CFAP57: variants seen among roughly 807,000 people sequenced by gnomAD.
CFAP57 encodes cilia- and flagella-associated protein 57.
A neutral mutation model predicts 146.8 loss-of-function variants in CFAP57; 116 were observed. That is an observed-to-expected ratio of 0.79 (90% CI 0.68 to 0.92). The LOEUF (loss-of-function observed/expected upper bound fraction) is 0.92. Ranked by LOEUF, CFAP57 falls within the 40% of genes least tolerant of loss-of-function variation. CFAP57 has a pLI of 0.00. For missense variants in CFAP57, 1,377 were observed against 1,527.2 expected, an observed-to-expected ratio of 0.90 and a Z score of 1.64; for synonymous variants, 518 against 552.8, an observed-to-expected ratio of 0.94 and a Z score of 0.88.
At chr1:43,209,378 T>C (rs958822826) in intron 10 of CFAP57, among the ~76,000 whole-genome samples, 1 of 152,248 alleles carries the variant, frequency 6.6e-6, no homozygotes, top group South Asian at 2.1e-4. Context: ...AGATGGTCCG[T>C]CATCCATAGA....
intron 2 of CFAP57, among the ~76,000 whole-genome samples, chr1:43,175,299 C>T (rs1645126306): frequency 6.6e-6 from 1 of 151,730 alleles, no homozygotes; most frequent in South Asian, 2.1e-4. Flanking sequence ...ACACCATATA[C>T]TATATGTACA....
chr1:43,173,884 G>A (rs1047999352), intron 2 of CFAP57, among the ~76,000 whole-genome samples: 7 of 152,170 alleles, frequency 4.6e-5, no homozygotes, highest in African/African-American at 1.7e-4. Flanking sequence ...CACTAGAAGT[G>A]CATAAGAGTT....
At chr1:43,177,134 G>T (rs1443102385) in intron 2 of CFAP57, 5 of 456,288 alleles carry the variant, frequency 1.1e-5, no homozygotes, top group South Asian at 3.1e-5. Context: ...CATTCTGGCT[G>T]CTGTACAGAG....
rs1645616258 is a variant in CFAP57, at chr1:43,234,641, A to G, written c.3405+3A>G. 7 of 1,548,040 alleles carry G rather than the reference A, an allele frequency of 4.5e-6. No homozygotes were observed. The highest frequency in any genetic ancestry group is 6.1e-6 in the Non-Finnish European group (7 of 1,145,774). ...CAGACTACGTCCGCATCATGCAGGT[A>G]CCTGCATGCTCCCCTCAGCCCCTGT... is the stretch of plus-strand genomic sequence containing the variant. On this transcript the variant is annotated splice_donor_region_variant and intron_variant, in intron 21 of 22. Coordinates refer to ENST00000372492, the MANE Select transcript of CFAP57 (RefSeq NM_001378189.1).
intron 5 of CFAP57, among the ~76,000 whole-genome samples, chr1:43,185,678 CAAAA>C (rs57421849): frequency 3.0e-5 from 2 of 65,674 alleles, no homozygotes; most frequent in African/African-American, 1.0e-4. Flanking sequence ...CCCATCTCTA[CAAAA>C]AAAAAAAAAA....
At chr1:43,194,885 T>C (rs538906791) in intron 6 of CFAP57, 48 of 152,344 alleles carry the variant, frequency 3.2e-4, no homozygotes, top group African/African-American at 1.2e-3. Flanking sequence ...TTCCTTTAGT[T>C]TTTTGGACAC....
At chr1:43,240,857 GCCGGTCTCGCTCTGTCGCC>G (rs887113465) in intron 21 of CFAP57, among the ~76,000 whole-genome samples, 7 of 152,146 alleles carry the variant, frequency 4.6e-5, no homozygotes, top group African/African-American at 1.7e-4. Flanking sequence ...AGGAGAAGGG[GCCGGTCTCGCTCTGTCGCC>G]CAGGCTGGAG....
chr1:43,254,343 A>C lies in CFAP57; in HGVS notation c.*152A>C. ...CCTGGGGAATTTGGGACACAGAATA[A>C]AGGTGTTTGCCCACACCTTGTCTAA... is the stretch of plus-strand genomic sequence containing the variant. On this transcript the variant is annotated 3_prime_UTR_variant, in exon 23 of 23. Transcript: ENST00000372492. 1.5e-6 allele frequency: 1 copy of C among 687,408 alleles called. No individual in the cohort carries two copies. Among genetic ancestry groups the C allele is most frequent in the South Asian group, 2.2e-5 (1 of 45,874 alleles). The allele number at this position is 687,408 out of a possible 1,614,324, so 42.6% of individuals were successfully genotyped here.
At chr1:43,249,343 A>C (rs1178831846) in intron 22 of CFAP57, among the ~76,000 whole-genome samples, 1 of 150,802 alleles carries the variant, frequency 6.6e-6, no homozygotes, top group African/African-American at 2.4e-5. Flanking sequence ...CATTTTTAAC[A>C]GTTTATCTAG....
intron 7 of CFAP57, 67 bp from the exon 8 acceptor site, chr1:43,198,414 A>T (rs1440920222): frequency 6.6e-7 from 1 of 1,514,234 alleles, no homozygotes; most frequent in East Asian, 2.3e-5. Flanking sequence ...TATATATCAG[A>T]TACAGTAGAT....
intron 11 of CFAP57, among the ~76,000 whole-genome samples, chr1:43,214,680 G>GT (rs1200158487): frequency 1.1e-4 from 17 of 151,070 alleles, no homozygotes; most frequent in African/African-American, 3.7e-4. Context: ...ATTCAGGTTT[G>GT]TTTTTTTTTA....
At chr1:43,249,085 G>A (rs1013770005) in intron 22 of CFAP57, among the ~76,000 whole-genome samples, 9 of 140,894 alleles carry the variant, frequency 6.4e-5, no homozygotes, top group African/African-American at 1.9e-4. Context: ...TAGTAGAGAC[G>A]AGGTTTCACC....
chr1:43,203,971 C>A lies in CFAP57; in HGVS notation c.1543-2749C>A, dbSNP rs605336. The stretch of plus-strand genomic sequence containing the variant: ...CTAGTGCTCTCATTACAGTACCATA[C>A]GTGGGTGCATTTAATGGATGCCCAC... On this transcript the variant is annotated intron_variant, in intron 9 of 22. Transcript: ENST00000372492. Among the ~76,000 whole-genome samples, 4 of 152,102 alleles carry A rather than the reference C, an allele frequency of 2.6e-5. No individual in the cohort carries two copies. In the South Asian group the frequency reaches 8.3e-4, roughly 32 times the overall value.
chr1:43,253,922 C>T (rs919416496), intron 22 of CFAP57, 55 bp from the exon 23 acceptor site: 28 of 1,459,424 alleles, frequency 1.9e-5, no homozygotes, highest in African/African-American at 2.8e-5. Context: ...AGGGGAGGAT[C>T]GGCTCTGCAG....
At chr1:43,244,347 G>A (rs905964481) in intron 22 of CFAP57, among the ~76,000 whole-genome samples, 3 of 152,176 alleles carry the variant, frequency 2.0e-5, no homozygotes, top group African/African-American at 7.2e-5. Flanking sequence ...ATAAGCTTAT[G>A]ATGGGGAAAA....
chr1:43,231,131 A>T (rs1645449983), intron 18 of CFAP57, among the ~76,000 whole-genome samples: 1 of 152,170 alleles, frequency 6.6e-6, no homozygotes, highest in East Asian at 1.9e-4. Context: ...CAAATATTTG[A>T]GTGCCACCTT....
intron 2 of CFAP57, among the ~76,000 whole-genome samples, chr1:43,178,587 A>G (rs1209205347): frequency 6.6e-6 from 1 of 152,236 alleles, no homozygotes; most frequent in Non-Finnish European, 1.5e-5. Flanking sequence ...ACAATGAGAT[A>G]CCATCTCACA....
intron 2 of CFAP57, among the ~76,000 whole-genome samples, chr1:43,180,367 C>T (rs999873786): frequency 6.6e-6 from 1 of 151,542 alleles, no homozygotes; most frequent in African/African-American, 2.4e-5. Flanking sequence ...TTCTGATTTT[C>T]AAATAAATAC....
rs513009 is a variant in CFAP57 at position 43,197,705 on chromosome 1, A to G, written c.1262+13A>G. On this transcript the variant is annotated intron_variant, in intron 7 of 22. Transcript: ENST00000372492. Reference sequence around the variant, plus strand: ...ATTATGAAACAAAGTAAGGAATGAAAGGCTTGCCTACTTTATTATGCAAGA... The same window carrying G: ...ATTATGAAACAAAGTAAGGAATGAAGGGCTTGCCTACTTTATTATGCAAGA... 1,430,624 of 1,613,938 alleles carry G rather than the reference A, an allele frequency of 0.89. 641,133 individuals are homozygous for G. The highest frequency in any genetic ancestry group is 0.93 in the Non-Finnish European group (1,094,073 of 1,179,956).
Sources: gnomAD v4.1 joint callset for allele counts (sites outside exome capture counted in the v4.1 genomes callset) on GRCh38, gnomAD v4.1.1 for gene constraint, MANE v1.5 for transcripts, NCBI Gene and HGNC (gene_info 2026-07-23, HGNC 2026-07-21) for gene names.